ABCB11: variants seen among roughly 807,000 people sequenced by gnomAD.
The protein encoded by ABCB11 is bile salt export pump.
ABCB11 carries 95 observed loss-of-function variants against 148.0 expected under a neutral mutation model. The observed-to-expected ratio is 0.64, with a 90% CI of 0.54 to 0.76. ABCB11 has a LOEUF of 0.76. Among genes scored for constraint, ABCB11 ranks in the 30% least tolerant of loss-of-function variants. ABCB11 has a pLI of 0.00. For missense variants in ABCB11, 1,523 were observed against 1,617.8 expected (o/e 0.94, Z 1.01); for synonymous variants, 591 against 555.4 (o/e 1.06, Z -0.90).
In ABCB11 at chr2:168,970,190, C is replaced by G. The variant is rs370566153; in HGVS notation, c.1664G>C (p.Gly555Ala). The G allele has an allele frequency of 6.0e-5, 97 of 1,612,114 alleles. No homozygotes were observed. Among genetic ancestry groups the G allele is most frequent in the Middle Eastern group, 3.3e-4 (2 of 6,068 alleles). The change falls in exon 15 of 28, where the codon GGA (glycine) becomes GCA (alanine). Residue 555 changes from glycine to alanine, a missense_variant. Coordinates refer to ENST00000650372, the MANE Select transcript of ABCB11 (RefSeq NM_003742.4). ...PQQFDTLVGE[G>A]GGQMSGGQKQ... ...CTGGCCACCACTCATCTGGCCTCCT[C>G]CTTCTCCAACAAGGGTGTCAAATTG...
intron 9 of ABCB11, 95 bp downstream of exon 9, chr2:168,990,706 C>A: frequency 6.6e-7 from 1 of 1,521,950 alleles, no homozygotes; most frequent in Non-Finnish European, 9.0e-7. Flanking sequence ...AGGCCACAGA[C>A]CAAGGTGGGT....
Position 168,933,253 on chromosome 2 carries a change from T to C in ABCB11, c.3057-720A>G, listed in dbSNP as rs554749651. Among the ~76,000 whole-genome samples the C allele has an allele frequency of 2.0e-5, 3 of 152,216 alleles. No individual in the cohort carries two copies. The South Asian group carries it at 6.2e-4, about 32-fold the overall frequency. On this transcript the variant is annotated intron_variant, in intron 23 of 27. Coordinates refer to ENST00000650372, the MANE Select transcript of ABCB11 (RefSeq NM_003742.4). ...TAACAGTTATTGAATCTATAATAGG[T>C]ATATAAAAGATAATGATTGATGATA...
At chr2:168,924,522 T>C in intron 27 of ABCB11, 135 bp downstream of exon 27, 1 of 742,184 alleles carries the variant, frequency 1.3e-6, no homozygotes, top group Admixed American at 3.0e-5. Context: ...AATTGTCTTT[T>C]GGTTCCACAA....
intron 23 of ABCB11, among the ~76,000 whole-genome samples, chr2:168,934,934 T>C (rs1016558429): frequency 2.4e-4 from 37 of 152,140 alleles, no homozygotes; most frequent in African/African-American, 8.7e-4. Context: ...GGCCATAATA[T>C]GAAGAAAAGA....
chr2:168,967,199 T>C, intron 17 of ABCB11, among the ~76,000 whole-genome samples: 1 of 151,906 alleles, frequency 6.6e-6, no homozygotes. Context: ...CAGAAAAGCA[T>C]GACTAAACTT....
At chr2:168,985,149 C>T in intron 10 of ABCB11, among the ~76,000 whole-genome samples, 1 of 151,978 alleles carries the variant, frequency 6.6e-6, no homozygotes, top group Non-Finnish European at 1.5e-5. Flanking sequence ...GAAAAAAATG[C>T]TCAACATCAC....
chr2:168,963,522 A>G (rs1338094628), intron 18 of ABCB11, among the ~76,000 whole-genome samples: 1 of 151,790 alleles, frequency 6.6e-6, no homozygotes, highest in African/African-American at 2.4e-5. Context: ...TGAAAATTAG[A>G]CAATGTCTAC....
At position 169,013,433 on chromosome 2, in the gene ABCB11, C is replaced by T. The variant is rs2106047978; in HGVS notation, c.228G>A (p.Gln76=). 6.2e-7 allele frequency: 1 copy of T among 1,613,752 alleles called. No individual in the cohort carries two copies. The highest frequency in any genetic ancestry group is 8.5e-7 in the Non-Finnish European group (1 of 1,179,762). Reference sequence around the variant, plus strand: ...TGCCAAAAATGAGTAGCACGCCTGGCTGGGCTATTCCATGGAGAAATGCAC... The same window carrying T: ...TGCCAAAAATGAGTAGCACGCCTGGTTGGGCTATTCCATGGAGAAATGCAC... ...SLCAFLHGIA[Q]PGVLLIFGTM... The change falls in exon 5 of 28, where the codon CAG becomes CAA. Residue 76 remains glutamine (Q), a synonymous_variant. Transcript: ENST00000650372.
At position 168,968,479 on chromosome 2, in the gene ABCB11, C is replaced by A; in HGVS notation, c.2023G>T (p.Asp675Tyr). The A allele has an allele frequency of 6.2e-7, 1 of 1,611,024 alleles. No homozygotes were observed. Among genetic ancestry groups the A allele is most frequent in the Non-Finnish European group, 8.5e-7 (1 of 1,178,308 alleles). The stretch of plus-strand genomic sequence containing the variant: ...CTAAAGGTCCTCGCAAGCATGTCAT[C>A]TTCAGTTGCATCTACTCAACACAGC... ...NEEDIKDATE[D>Y]DMLARTFSRG... Residue 675 changes from aspartate to tyrosine, a missense_variant, in exon 17 of 28, where the codon GAT (aspartate) becomes TAT (tyrosine). Asp to Tyr is a radical substitution (Grantham distance 160). Transcript: ENST00000650372.
At chr2:168,950,217 T>C (rs973761557) in intron 19 of ABCB11, among the ~76,000 whole-genome samples, 2 of 151,382 alleles carry the variant, frequency 1.3e-5, no homozygotes, top group African/African-American at 4.8e-5. Context: ...TATATATATG[T>C]GTATATGTGT....
Position 169,014,328 on chromosome 2 carries a change from C to T in ABCB11, c.125G>A (p.Gly42Asp). Residue 42 changes from glycine (G) to aspartate (D), a missense_variant, in exon 4 of 28, where the codon GGC (glycine) becomes GAC (aspartate). Transcript: ENST00000650372. Reference protein sequence around the residue: ...SRLQDEKKGDGVRVGFFQLFR... With the variant: ...SRLQDEKKGDDVRVGFFQLFR... ...CAATTGAAAGAAGCCAACTCTAACGCCATCACCTTTCTTCTCATCTTGTAA... is the reference window on the plus strand; with the variant it reads ...CAATTGAAAGAAGCCAACTCTAACGTCATCACCTTTCTTCTCATCTTGTAA... 1.2e-6 allele frequency: 2 copies of T among 1,613,410 alleles called. No homozygotes were observed. The highest frequency in any genetic ancestry group is 1.3e-5 in the African/African-American group (1 of 74,994).
chr2:169,030,472 C>A (rs1695833694), intron 1 of ABCB11, among the ~76,000 whole-genome samples: 1 of 152,178 alleles, frequency 6.6e-6, no homozygotes, highest in African/African-American at 2.4e-5. Context: ...CTACTAACTC[C>A]TAATATTAAA....
chr2:169,006,552 A>G (rs1487265870), intron 5 of ABCB11, among the ~76,000 whole-genome samples: 1 of 144,992 alleles, frequency 6.9e-6, no homozygotes, highest in Non-Finnish European at 1.5e-5. Context: ...CAATTAGGCA[A>G]TAAGATAAAA....
chr2:168,975,926 A>G (rs1693884200), intron 12 of ABCB11, among the ~76,000 whole-genome samples: 2 of 151,766 alleles, frequency 1.3e-5, no homozygotes, highest in South Asian at 4.1e-4. Context: ...TACTCTGTTG[A>G]AAATGAGGAA....
chr2:168,919,483 G>A (rs1691014428), downstream of ABCB11, among the ~76,000 whole-genome samples: 1 of 152,086 alleles, frequency 6.6e-6, no homozygotes. Flanking sequence ...CAATCTAGCT[G>A]ACTACTTCCT....
rs1694313508 is a variant in ABCB11 at position 168,986,179 on chromosome 2, T to C, written c.1014A>G (p.Ala338=). 1 of 1,613,190 alleles carries C rather than the reference T, an allele frequency of 6.2e-7. No homozygotes were observed. Among genetic ancestry groups the C allele is most frequent in the Non-Finnish European group, 8.5e-7 (1 of 1,179,558 alleles). Residue 338 remains alanine (A), a synonymous_variant, in exon 10 of 28, where the codon GCA becomes GCG. Transcript: ENST00000650372. ...FVWCLIFLCY[A]LAFWYGSTLV... is the part of the protein sequence containing the mutation. ...GTGTGGAGCCGTACCAGAAGGCCAGTGCATAACACAAAAAGATGAGACACC... is the reference window on the plus strand; with the variant it reads ...GTGTGGAGCCGTACCAGAAGGCCAGCGCATAACACAAAAAGATGAGACACC...
intron 19 of ABCB11, among the ~76,000 whole-genome samples, chr2:168,945,666 AAGGG>A (rs1182158147): frequency 1.4e-5 from 2 of 143,384 alleles, no homozygotes; most frequent in Admixed American, 6.9e-5. Context: ...AAAGGGAAGG[AAGGG>A]AGGGAGGGAG....
In ABCB11 at chr2:168,944,765, C is replaced by A; in HGVS notation, c.2450G>T (p.Gly817Val). 1 of 1,612,114 alleles carries A rather than the reference C, an allele frequency of 6.2e-7. No individual in the cohort carries two copies. The highest frequency in any genetic ancestry group is 8.5e-7 in the Non-Finnish European group (1 of 1,178,950). ...CVSLFTQFLQGYAFAKSGELL... is the reference protein window; with the variant it reads ...CVSLFTQFLQVYAFAKSGELL... ...CTCCCCAGATTTAGCAAAGGCATAT[C>A]CCTAAAACATGAAGAGGGAGATGTT... The change falls in exon 21 of 28, where the codon GGA becomes GTA. Residue 817 changes from glycine to valine, a missense_variant and splice_region_variant. Coordinates refer to ENST00000650372, the MANE Select transcript of ABCB11 (RefSeq NM_003742.4).
chr2:169,008,039 G>A, intron 5 of ABCB11, among the ~76,000 whole-genome samples: 1 of 152,124 alleles, frequency 6.6e-6, no homozygotes, highest in South Asian at 2.1e-4. Flanking sequence ...AAGAAGATGT[G>A]CAAATGGCCA....
Sources: gnomAD v4.1 joint callset for allele counts (sites outside exome capture counted in the v4.1 genomes callset) on GRCh38, gnomAD v4.1.1 for gene constraint, MANE v1.5 for transcripts, NCBI Gene and HGNC (gene_info 2026-07-23, HGNC 2026-07-21) for gene names.